Variants in SLC9A9 observed in about 807,000 individuals in gnomAD.
The protein encoded by SLC9A9 is sodium/hydrogen exchanger 9.
SLC9A9 carries 62 observed loss-of-function variants against 77.8 expected under a neutral mutation model. That is an observed-to-expected ratio of 0.80 (90% confidence interval 0.65 to 0.98). SLC9A9 has a LOEUF of 0.98. Among genes scored for constraint, SLC9A9 ranks in the 50% least tolerant of loss-of-function variants. The probability of loss-of-function intolerance (pLI) is 0.00; values close to 1 mark genes in which losing one functional copy is unlikely to be tolerated. For synonymous variants in SLC9A9, 320 were observed against 283.5 expected (o/e 1.13, Z -1.29); for missense variants, 775 against 774.9 (o/e 1.00, Z 0.00).
chr3:143,821,326 T>A (rs2009161257), intron 2 of SLC9A9, among the ~76,000 whole-genome samples: 1 of 152,234 alleles, frequency 6.6e-6, no homozygotes, highest in Non-Finnish European at 1.5e-5. Context: ...ACTTTAAACA[T>A]AACTTTTCTC....
intron 4 of SLC9A9, among the ~76,000 whole-genome samples, chr3:143,715,624 C>T (rs1036582102): frequency 6.6e-6 from 1 of 152,138 alleles, no homozygotes; most frequent in African/African-American, 2.4e-5. Context: ...TCTCCAGATC[C>T]CTGGATCATG....
chr3:143,790,020 G>A (rs938555162), intron 4 of SLC9A9, among the ~76,000 whole-genome samples: 4 of 152,132 alleles, frequency 2.6e-5, no homozygotes, highest in East Asian at 1.9e-4. Flanking sequence ...ATCCCCATAT[G>A]TTAGGGGAGG....
intron 6 of SLC9A9, among the ~76,000 whole-genome samples, chr3:143,641,385 CTTTTTT>C (rs529425639): frequency 1.3e-4 from 10 of 78,824 alleles, no homozygotes; most frequent in South Asian, 5.8e-4. Context: ...TTGTCACAGT[CTTTTTT>C]TTTTTTTTTT....
chr3:143,503,452 C>A, intron 9 of SLC9A9: 1 of 350,716 alleles, frequency 2.9e-6, no homozygotes, highest in South Asian at 2.3e-5. Context: ...GCTCACGATG[C>A]CCAGGATGCC....
At chr3:143,340,387 G>C (rs955642365) in intron 14 of SLC9A9, among the ~76,000 whole-genome samples, 1 of 152,224 alleles carries the variant, frequency 6.6e-6, no homozygotes, top group African/African-American at 2.4e-5. Context: ...TTGATTACCT[G>C]CTGATTCAAC....
intron 5 of SLC9A9, among the ~76,000 whole-genome samples, chr3:143,680,159 G>T (rs965842058): frequency 2.0e-5 from 3 of 151,956 alleles, no homozygotes; most frequent in Non-Finnish European, 2.9e-5. Context: ...GAATAAAAAA[G>T]AAAATAACTT....
chr3:143,647,307 CAT>C (rs1003682873), intron 6 of SLC9A9, among the ~76,000 whole-genome samples: 4 of 152,166 alleles, frequency 2.6e-5, no homozygotes, highest in Admixed American at 2.0e-4. Context: ...CTGATCAACA[CAT>C]GTGTTGAAAA....
intron 5 of SLC9A9, among the ~76,000 whole-genome samples, chr3:143,690,974 A>T (rs1372848960): frequency 6.6e-6 from 1 of 152,190 alleles, no homozygotes; most frequent in Non-Finnish European, 1.5e-5. Flanking sequence ...ATCAATGGGT[A>T]CTAAAGCCAT....
intron 4 of SLC9A9, among the ~76,000 whole-genome samples, chr3:143,770,699 C>T (rs1008566969): frequency 2.0e-5 from 3 of 151,920 alleles, no homozygotes; most frequent in Non-Finnish European, 4.4e-5. Flanking sequence ...AACAAAGGCT[C>T]GATAATGTCA....
intron 6 of SLC9A9, among the ~76,000 whole-genome samples, chr3:143,629,743 G>A (rs1462198908): frequency 6.6e-6 from 1 of 152,114 alleles, no homozygotes; most frequent in African/African-American, 2.4e-5. Context: ...GGATGTTTTA[G>A]GTGGCACTGG....
chr3:143,667,719 G>T lies in SLC9A9; in HGVS notation c.650-15359C>A, dbSNP rs570105909. On this transcript the variant is annotated intron_variant, in intron 5 of 15. Transcript: ENST00000316549. ...AAAGAAGACATTTATGCAGCCAAAA[G>T]ACACATGAAAAAATGTTCATCATCA... Among the ~76,000 whole-genome samples, 16 of 152,236 alleles carry T rather than the reference G, an allele frequency of 1.1e-4. No individual in the cohort carries two copies. The East Asian group carries it at 3.1e-3, about 29-fold the overall frequency.
At chr3:143,313,954 C>T (rs1328506280) in intron 14 of SLC9A9, among the ~76,000 whole-genome samples, 4 of 152,322 alleles carry the variant, frequency 2.6e-5, no homozygotes, top group African/African-American at 9.6e-5. Flanking sequence ...GCCCATGCCC[C>T]CCATAGCTGC....
At chr3:143,436,295 C>G (rs1405301926) in intron 12 of SLC9A9, among the ~76,000 whole-genome samples, 1 of 152,350 alleles carries the variant, frequency 6.6e-6, no homozygotes, top group South Asian at 2.1e-4. Flanking sequence ...GGCATGCCCC[C>G]TCTCCTGCCC....
intron 14 of SLC9A9, among the ~76,000 whole-genome samples, chr3:143,287,484 T>C (rs2108413575): frequency 6.6e-6 from 1 of 152,344 alleles, no homozygotes; most frequent in South Asian, 2.1e-4. Context: ...GCTTCTCTTA[T>C]GATTCTGTCT....
rs1471438182 is a variant in SLC9A9 at position 143,269,034 on chromosome 3, T to C, written c.1605-54A>G. 33 of 1,305,752 alleles carry C rather than the reference T, an allele frequency of 2.5e-5. No individual in the cohort carries two copies. In the East Asian group the frequency reaches 6.5e-4, roughly 26 times the overall value. The allele number at this position is 1,305,752 out of a possible 1,614,324, so 80.9% of individuals were successfully genotyped here. On this transcript the variant is annotated intron_variant, in intron 14 of 15. Coordinates refer to ENST00000316549, the MANE Select transcript of SLC9A9 (RefSeq NM_173653.4). The stretch of plus-strand genomic sequence containing the variant: ...AACAGGGAGTTAGGATTTAGGAATC[T>C]TACGCTGCACAAACCTTTGTATGCT...
chr3:143,376,570 A>G (rs2033184337), intron 13 of SLC9A9, among the ~76,000 whole-genome samples: 1 of 152,190 alleles, frequency 6.6e-6, no homozygotes, highest in African/African-American at 2.4e-5. Context: ...TGCTTATTAA[A>G]GTATAGCTGC....
intron 4 of SLC9A9, among the ~76,000 whole-genome samples, chr3:143,705,298 G>T (rs1217456633): frequency 6.6e-6 from 1 of 152,038 alleles, no homozygotes; most frequent in Non-Finnish European, 1.5e-5. Flanking sequence ...AAGCTGGGAA[G>T]GGTAGTGGGG....
chr3:143,686,333 TA>T (rs1933262697), intron 5 of SLC9A9, among the ~76,000 whole-genome samples: 1 of 151,550 alleles, frequency 6.6e-6, no homozygotes, highest in African/African-American at 2.4e-5. Flanking sequence ...AAGAAGTAAA[TA>T]AATAGGTAAA....
intron 12 of SLC9A9, among the ~76,000 whole-genome samples, chr3:143,393,822 T>G (rs1097443): frequency 1.3e-5 from 2 of 150,976 alleles, no homozygotes; most frequent in Non-Finnish European, 3.0e-5. Flanking sequence ...ACTATAAACA[T>G]CTCTATGCAA....
Sources: allele counts gnomAD v4.1 joint callset (sites outside exome capture counted in the v4.1 genomes callset), GRCh38; gene constraint gnomAD v4.1.1; transcripts MANE v1.5; gene names NCBI Gene and HGNC (gene_info 2026-07-23, HGNC 2026-07-21).